SHANK2: variants seen among roughly 807,000 people sequenced by gnomAD.
SHANK2 encodes SH3 and multiple ankyrin repeat domains protein 2.
A neutral mutation model predicts 133.7 loss-of-function variants in SHANK2; 43 were observed. That is an observed-to-expected ratio of 0.32 (90% confidence interval 0.25 to 0.41). The LOEUF is 0.41. Ranked by LOEUF, SHANK2 falls within the 10% of genes least tolerant of loss-of-function variation. The pLI is 1.00. For missense variants in SHANK2, 1,994 were observed against 2,235.8 expected, an observed-to-expected ratio of 0.89 and a Z score of 2.18; for synonymous variants, 1,017 against 952.8, an observed-to-expected ratio of 1.07 and a Z score of -1.24.
intron 11 of SHANK2, among the ~76,000 whole-genome samples, chr11:70,888,964 AC>A (rs1949793020): frequency 6.6e-6 from 1 of 152,226 alleles, no homozygotes; most frequent in Admixed American, 6.5e-5. Flanking sequence ...AGAATCAGAT[AC>A]CATCTGTCCT....
intron 17 of SHANK2, 63 bp from the exon 18 acceptor site, chr11:70,502,994 C>T: frequency 1.3e-6 from 2 of 1,586,284 alleles, no homozygotes; most frequent in East Asian, 2.2e-5. Flanking sequence ...AGTTGGCACC[C>T]ACCCAAGGCA....
At chr11:70,782,780 G>C (rs1411169343) in intron 14 of SHANK2, among the ~76,000 whole-genome samples, 1 of 152,198 alleles carries the variant, frequency 6.6e-6, no homozygotes, top group African/African-American at 2.4e-5. Flanking sequence ...AAAGGTGCTC[G>C]GCCTCAGAAG....
chr11:70,585,658 T>A (rs1420451708), intron 17 of SHANK2, among the ~76,000 whole-genome samples: 1 of 150,146 alleles, frequency 6.7e-6, no homozygotes, highest in Non-Finnish European at 1.5e-5. Context: ...TATCCCTCCA[T>A]CCATTCATCC....
chr11:70,934,544 C>T (rs1555083134), intron 10 of SHANK2, among the ~76,000 whole-genome samples: 2 of 152,178 alleles, frequency 1.3e-5, no homozygotes. Flanking sequence ...CCCAGGAAGG[C>T]CACTGGGTCT....
intron 25 of SHANK2, among the ~76,000 whole-genome samples, chr11:70,482,341 T>C (rs1472436382): frequency 6.6e-6 from 1 of 152,202 alleles, no homozygotes; most frequent in Non-Finnish European, 1.5e-5. Context: ...ATTAGCCTCT[T>C]GCTGACCAAA....
intron 23 of SHANK2, 100 bp from the exon 24 acceptor site, chr11:70,489,448 ACACCACCTCCACGGC>A: frequency 8.9e-7 from 1 of 1,126,124 alleles, no homozygotes; most frequent in Non-Finnish European, 1.4e-6. Context: ...AGCACAGCAG[ACACCACCTCCACGGC>A]CACTTACTGC....
At chr11:70,619,503 C>T (rs2060801571) in intron 17 of SHANK2, among the ~76,000 whole-genome samples, 1 of 152,218 alleles carries the variant, frequency 6.6e-6, no homozygotes, top group Non-Finnish European at 1.5e-5. Context: ...CCCCCCTAAG[C>T]GATCCGTGAT....
At chr11:71,061,639 C>T (rs1950987352) in intron 9 of SHANK2, among the ~76,000 whole-genome samples, 2 of 152,290 alleles carry the variant, frequency 1.3e-5, no homozygotes, top group Admixed American at 1.3e-4. Flanking sequence ...AACCCCTGAT[C>T]CCCAGGAGAG....
chr11:71,127,507 C>T (rs1429473536), intron 3 of SHANK2, among the ~76,000 whole-genome samples: 58 of 152,150 alleles, frequency 3.8e-4, no homozygotes, highest in African/African-American at 1.4e-3. Flanking sequence ...CCACAGCCAC[C>T]CCAACCTTCA....
intron 8 of SHANK2, among the ~76,000 whole-genome samples, chr11:71,082,061 G>C (rs1161368997): frequency 1.3e-5 from 2 of 152,216 alleles, no homozygotes; most frequent in South Asian, 2.1e-4. Context: ...CCAGAACCCT[G>C]TTCACAATGT....
intron 17 of SHANK2, among the ~76,000 whole-genome samples, chr11:70,628,432 C>T (rs2060933989): frequency 6.6e-6 from 1 of 152,150 alleles, no homozygotes; most frequent in Non-Finnish European, 1.5e-5. Context: ...ACCCAGGCCT[C>T]GGTTTCCCTG....
intron 2 of SHANK2, among the ~76,000 whole-genome samples, chr11:71,149,967 A>G (rs1590960547): frequency 7.5e-5 from 1 of 13,280 alleles, no homozygotes; most frequent in Non-Finnish European, 1.3e-4. Flanking sequence ...AGGGGAGGGG[A>G]GAGACAGAGA....
intron 12 of SHANK2, among the ~76,000 whole-genome samples, chr11:70,813,764 T>G (rs1948327113): frequency 6.6e-6 from 1 of 152,134 alleles, no homozygotes; most frequent in Non-Finnish European, 1.5e-5. Context: ...CTGTGTCATC[T>G]CCTGTCTGGT....
chr11:70,550,407 T>C (rs1342253183), intron 17 of SHANK2, among the ~76,000 whole-genome samples: 4 of 152,152 alleles, frequency 2.6e-5, no homozygotes, highest in African/African-American at 9.7e-5. Context: ...CCAGGTGGGC[T>C]GGGGCAGGGG....
intron 17 of SHANK2, among the ~76,000 whole-genome samples, chr11:70,639,761 C>G (rs2061152524): frequency 1.3e-5 from 2 of 152,142 alleles, no homozygotes; most frequent in South Asian, 4.1e-4. Flanking sequence ...AGGTGCCCTG[C>G]AGGCCCACAG....
At chr11:71,169,309 G>A (rs1463692151) in intron 2 of SHANK2, among the ~76,000 whole-genome samples, 1 of 152,192 alleles carries the variant, frequency 6.6e-6, no homozygotes, top group Non-Finnish European at 1.5e-5. Context: ...TCACTCAGGT[G>A]TTGCACATCC....
chr11:70,949,658 C>T (rs1487472614), intron 10 of SHANK2, among the ~76,000 whole-genome samples: 4 of 152,332 alleles, frequency 2.6e-5, no homozygotes, highest in African/African-American at 7.2e-5. Flanking sequence ...GACACAACCA[C>T]CTCCTCCTGC....
chr11:70,596,944 T>C (rs1425869019), intron 17 of SHANK2, among the ~76,000 whole-genome samples: 7 of 152,304 alleles, frequency 4.6e-5, no homozygotes, highest in African/African-American at 1.7e-4. Flanking sequence ...ATATCTATTT[T>C]GCAAGCGCAG....
intron 6 of SHANK2, among the ~76,000 whole-genome samples, chr11:71,106,942 G>T (rs1259466530): frequency 1.3e-5 from 2 of 151,472 alleles, no homozygotes; most frequent in African/African-American, 4.9e-5. Context: ...TGGGCAACAT[G>T]GCAAAACCCC....
Sources: gnomAD v4.1 joint callset for allele counts (sites outside exome capture counted in the v4.1 genomes callset) on GRCh38, gnomAD v4.1.1 for gene constraint, MANE v1.5 for transcripts, NCBI Gene and HGNC (gene_info 2026-07-23, HGNC 2026-07-21) for gene names.